Variants in LNX2 observed in about 807,000 individuals in gnomAD.
The protein encoded by LNX2 is ligand of numb-protein X 2.
Under a neutral mutation model 66.2 loss-of-function variants are expected in LNX2, and 35 were observed. The observed-to-expected ratio is 0.53, with a 90% CI of 0.40 to 0.70. The LOEUF is 0.70. Among genes scored for constraint, LNX2 ranks in the 30% least tolerant of loss-of-function variants. The pLI is 0.00. For missense variants in LNX2, 791 were observed against 850.8 expected (o/e 0.93, Z 0.87); for synonymous variants, 337 against 315.6 (o/e 1.07, Z -0.72).
At chr13:27,569,606 A>G (rs191864873) in intron 2 of LNX2, among the ~76,000 whole-genome samples, 1 of 152,346 alleles carries the variant, frequency 6.6e-6, no homozygotes, top group Non-Finnish European at 1.5e-5. Context: ...TGAAATTCTG[A>G]TCACATAACC....
chr13:27,556,206 G>A (rs774681810), intron 7 of LNX2, 30 bp downstream of exon 7: 126 of 1,593,702 alleles, frequency 7.9e-5, no homozygotes, highest in Admixed American at 1.0e-4. Flanking sequence ...GAAATAAGAT[G>A]TGGTAAAATT....
intron 2 of LNX2, 87 bp from the exon 3 acceptor site, chr13:27,569,363 C>G: frequency 1.4e-6 from 2 of 1,392,236 alleles, no homozygotes; most frequent in Admixed American, 4.2e-5. Context: ...AGCTTCTACA[C>G]AAACAGAACC....
intron 1 of LNX2, among the ~76,000 whole-genome samples, chr13:27,602,057 G>A (rs1341363029): frequency 6.6e-6 from 1 of 151,994 alleles, no homozygotes; most frequent in Non-Finnish European, 1.5e-5. Context: ...ATGACAGTAT[G>A]CATATCAACT....
At chr13:27,609,383 T>C (rs539377930) in intron 1 of LNX2, among the ~76,000 whole-genome samples, 1 of 152,094 alleles carries the variant, frequency 6.6e-6, no homozygotes, top group South Asian at 2.1e-4. Context: ...CTCGAACTCC[T>C]GACCTCAGGT....
chr13:27,608,433 T>C (rs2087498424), intron 1 of LNX2, among the ~76,000 whole-genome samples: 1 of 152,204 alleles, frequency 6.6e-6, no homozygotes, highest in African/African-American at 2.4e-5. Context: ...AAAATATTAT[T>C]TTAAAAGAAT....
Position 27,553,259 on chromosome 13 carries a change from T to C in LNX2, c.1727A>G (p.Glu576Gly). ...TGATGGGGACCAACTGGCATCATAC[T>C]CATTTTCGCTGAAAGTACTCGGCTG... ...EEQPSTFSEN[E>G]YDASWSPSWV... The change falls in exon 8 of 10, where the codon GAG becomes GGG. Residue 576 changes from glutamate (E) to glycine (G), a missense_variant. Coordinates refer to ENST00000316334, the MANE Select transcript of LNX2 (RefSeq NM_153371.4). 1 of 1,614,142 alleles carries C rather than the reference T, an allele frequency of 6.2e-7. No individual in the cohort carries two copies.
intron 1 of LNX2, among the ~76,000 whole-genome samples, chr13:27,588,212 T>G (rs1955512731): frequency 6.6e-6 from 1 of 152,150 alleles, no homozygotes; most frequent in African/African-American, 2.4e-5. Flanking sequence ...CAAAAACTTG[T>G]GCACGAATGT....
intron 1 of LNX2, among the ~76,000 whole-genome samples, chr13:27,615,088 C>T (rs1955812563): frequency 6.6e-6 from 1 of 152,000 alleles, no homozygotes; most frequent in Non-Finnish European, 1.5e-5. Flanking sequence ...TGGAGATAAC[C>T]CCAGATCCCA....
chr13:27,580,809 ATAG>A (rs1163251486), intron 2 of LNX2, among the ~76,000 whole-genome samples: 1 of 152,190 alleles, frequency 6.6e-6, no homozygotes, highest in Non-Finnish European at 1.5e-5. Flanking sequence ...GTTTATGTGC[ATAG>A]TATTTTTTAA....
intron 1 of LNX2, among the ~76,000 whole-genome samples, chr13:27,594,514 C>T (rs993280149): frequency 1.1e-4 from 17 of 151,982 alleles, no homozygotes; most frequent in African/African-American, 4.1e-4. Flanking sequence ...TAAAGATTTG[C>T]CTCTATTTTC....
intron 4 of LNX2, among the ~76,000 whole-genome samples, chr13:27,564,867 C>A (rs1328502148): frequency 1.3e-5 from 2 of 152,148 alleles, no homozygotes; most frequent in Non-Finnish European, 2.9e-5. Context: ...AGTGTTTACT[C>A]TTGAATAACC....
chr13:27,558,041 A>G (rs367666494), intron 6 of LNX2, among the ~76,000 whole-genome samples: 13 of 152,036 alleles, frequency 8.6e-5, no homozygotes, highest in African/African-American at 2.2e-4. Context: ...CCAAACTTCA[A>G]AGATTATACT....
At chr13:27,592,622 G>C (rs961195198) in intron 1 of LNX2, among the ~76,000 whole-genome samples, 1 of 152,202 alleles carries the variant, frequency 6.6e-6, no homozygotes. Flanking sequence ...AAAGCCATCA[G>C]ATTGGAAAAG....
Position 27,548,404 on chromosome 13 carries a change from A to C in LNX2, c.2004T>G (p.Val668=). Residue 668 remains valine (V), a synonymous_variant, in exon 10 of 10, where the codon GTT becomes GTG. Transcript: ENST00000316334. ...TGTTCCTCTGCTCCTTCAACATGGG[A>C]ACTAGTGCAGAGTGGCTCATGCCCA... is the stretch of plus-strand genomic sequence containing the variant. ...STVGMSHSAL[V]PMLKEQRNKV... 6.2e-7 allele frequency: 1 copy of C among 1,614,112 alleles called. No homozygotes were observed. Among genetic ancestry groups the C allele is most frequent in the Non-Finnish European group, 8.5e-7 (1 of 1,179,956 alleles).
At chr13:27,591,417 T>C (rs868241894) in intron 1 of LNX2, among the ~76,000 whole-genome samples, 1 of 152,244 alleles carries the variant, frequency 6.6e-6, no homozygotes, top group African/African-American at 2.4e-5. Context: ...CCTCCAATTA[T>C]ATTAGTTTCC....
At chr13:27,563,646 C>T (rs1319409579) in intron 4 of LNX2, among the ~76,000 whole-genome samples, 1 of 152,112 alleles carries the variant, frequency 6.6e-6, no homozygotes, top group Non-Finnish European at 1.5e-5. Context: ...TTCTCTGAAT[C>T]GGTCTGAGAT....
At chr13:27,557,666 T>C (rs1955079689) in intron 6 of LNX2, among the ~76,000 whole-genome samples, 1 of 152,088 alleles carries the variant, frequency 6.6e-6, no homozygotes. Flanking sequence ...ATGGCATTTA[T>C]CAAATCTCTA....
At chr13:27,577,058 T>C (rs1347156810) in intron 2 of LNX2, among the ~76,000 whole-genome samples, 1 of 152,136 alleles carries the variant, frequency 6.6e-6, no homozygotes, top group Non-Finnish European at 1.5e-5. Context: ...GGGTCTAGTA[T>C]CCAGAATACA....
intron 1 of LNX2, among the ~76,000 whole-genome samples, chr13:27,603,106 AAACTGGTATC>A (rs546244496): frequency 9.4e-4 from 143 of 152,302 alleles, no homozygotes; most frequent in African/African-American, 3.4e-3. Context: ...GTTGCTTAGG[AAACTGGTATC>A]AAAATACTAA....
Sources: gnomAD v4.1 joint callset for allele counts (sites outside exome capture counted in the v4.1 genomes callset) on GRCh38, gnomAD v4.1.1 for gene constraint, MANE v1.5 for transcripts, NCBI Gene and HGNC (gene_info 2026-07-23, HGNC 2026-07-21) for gene names.